The following NBEA variants were observed in gnomAD, a reference collection of about 807,000 sequenced individuals.
NBEA encodes neurobeachin.
NBEA carries 44 observed loss-of-function variants against 343.4 expected under a neutral mutation model. The observed-to-expected ratio is 0.13, with a 90% CI of 0.10 to 0.16. NBEA has a LOEUF of 0.16. Among genes scored for constraint, NBEA ranks in the 10% least tolerant of loss-of-function variants. NBEA has a pLI of 1.00. For synonymous variants in NBEA, 1,175 were observed against 1,238.7 expected (o/e 0.95, Z 1.08); for missense variants, 2,555 against 3,631.3 (o/e 0.70, Z 7.62).
At chr13:35,417,999 C>T (rs530944819) in intron 38 of NBEA, among the ~76,000 whole-genome samples, 9 of 152,182 alleles carry the variant, frequency 5.9e-5, no homozygotes, top group Admixed American at 2.0e-4. Context: ...ATGTAATGAC[C>T]TTCTTTGTCT....
At chr13:35,475,392 C>T in intron 41 of NBEA, 1 of 1,613,816 alleles carries the variant, frequency 6.2e-7, no homozygotes, top group Non-Finnish European at 8.5e-7. Flanking sequence ...TGGAGAGGCA[C>T]TTCTTTCTGC....
intron 1 of NBEA, among the ~76,000 whole-genome samples, chr13:35,018,175 G>A (rs974379075): frequency 7.2e-5 from 11 of 152,022 alleles, no homozygotes; most frequent in African/African-American, 4.8e-5. Context: ...ATAAAATCTG[G>A]TAGTTTAGGG....
intron 1 of NBEA, among the ~76,000 whole-genome samples, chr13:35,002,740 T>C (rs74051209): frequency 6.6e-6 from 1 of 152,314 alleles, no homozygotes; most frequent in African/African-American, 2.4e-5. Flanking sequence ...AGAAATAAGT[T>C]TGTTTATTCC....
chr13:35,647,986 C>G (rs2084320367), intron 51 of NBEA, among the ~76,000 whole-genome samples: 1 of 152,078 alleles, frequency 6.6e-6, no homozygotes, highest in Non-Finnish European at 1.5e-5. Context: ...CACGATCTTT[C>G]TTCCTCAGTC....
intron 36 of NBEA, among the ~76,000 whole-genome samples, chr13:35,320,245 T>C (rs762745471): frequency 1.8e-4 from 27 of 152,328 alleles, no homozygotes; most frequent in South Asian, 2.1e-4. Context: ...AGTTTTTCTT[T>C]TCCATATTTA....
At chr13:35,255,753 C>G (rs2032514301) in intron 34 of NBEA, among the ~76,000 whole-genome samples, 5 of 152,220 alleles carry the variant, frequency 3.3e-5, no homozygotes, top group Admixed American at 3.3e-4. Context: ...GTTCTCTCCT[C>G]ATCACCCACA....
intron 1 of NBEA, among the ~76,000 whole-genome samples, chr13:35,034,997 G>A (rs1252542378): frequency 6.6e-6 from 1 of 151,512 alleles, no homozygotes; most frequent in Non-Finnish European, 1.5e-5. Context: ...CTGTTGTATT[G>A]TTTTCTTCAT....
chr13:35,640,423 C>G (rs552973007), intron 49 of NBEA, among the ~76,000 whole-genome samples: 2 of 152,200 alleles, frequency 1.3e-5, no homozygotes, highest in Non-Finnish European at 2.9e-5. Context: ...TTCTCTGGCT[C>G]TCCAGGTAGA....
At chr13:35,156,984 C>A (rs1039915830) in intron 20 of NBEA, 94 bp from the exon 21 acceptor site, 1 of 1,066,760 alleles carries the variant, frequency 9.4e-7, no homozygotes, top group Non-Finnish European at 1.3e-6. Context: ...GAGGTCAGAT[C>A]ATATTTTCAC....
At chr13:35,637,059 A>G (rs2083721596) in intron 49 of NBEA, among the ~76,000 whole-genome samples, 1 of 152,228 alleles carries the variant, frequency 6.6e-6, no homozygotes, top group African/African-American at 2.4e-5. Context: ...AACATGTAGC[A>G]AAAGGTAACC....
At chr13:35,574,288 A>T (rs561172564) in intron 45 of NBEA, among the ~76,000 whole-genome samples, 78 of 97,896 alleles carry the variant, frequency 8.0e-4, no homozygotes, top group African/African-American at 2.4e-3. Context: ...TAGGTAGGAT[A>T]TTCTTTAAAA....
chr13:35,628,315 A>G, intron 49 of NBEA, 67 bp downstream of exon 49: 20 of 1,162,982 alleles, frequency 1.7e-5, no homozygotes, highest in Non-Finnish European at 2.2e-5. Flanking sequence ...TTGACATTTC[A>G]TCTCTTTCTG....
At chr13:35,127,285 A>G (rs2067184594) in intron 17 of NBEA, among the ~76,000 whole-genome samples, 1 of 152,220 alleles carries the variant, frequency 6.6e-6, no homozygotes, top group African/African-American at 2.4e-5. Flanking sequence ...GGATGCTGTC[A>G]AATATTTTTT....
At chr13:35,535,057 C>T (rs1263988523) in intron 41 of NBEA, among the ~76,000 whole-genome samples, 2 of 152,136 alleles carry the variant, frequency 1.3e-5, no homozygotes, top group African/African-American at 2.4e-5. Flanking sequence ...CCTGGAAATA[C>T]TGTTTTCGTT....
In NBEA at chr13:35,164,410, T is replaced by A. The variant is rs757973189; in HGVS notation, c.4134T>A (p.Phe1378Leu). The A allele has an allele frequency of 3.8e-6, 6 of 1,597,968 alleles. No individual in the cohort carries two copies. Among genetic ancestry groups the A allele is most frequent in the Non-Finnish European group, 5.1e-6 (6 of 1,170,744 alleles). Residue 1378 changes from phenylalanine to leucine, a missense_variant, in exon 24 of 59, where the codon TTT (phenylalanine) becomes TTA (leucine). Phe to Leu is a conservative substitution (Grantham distance 22). Coordinates refer to ENST00000379939, the MANE Select transcript of NBEA (RefSeq NM_001385012.1). ...TCAATAGCAATGAAAATATTATTTTTGTACATAACACAATTCACCTCATTT... is the reference window on the plus strand; with the variant it reads ...TCAATAGCAATGAAAATATTATTTTAGTACATAACACAATTCACCTCATTT... ...DFVNSNENII[F>L]VHNTIHLISQ...
In NBEA at chr13:35,184,022, C is replaced by T. The variant is rs998674929; in HGVS notation, c.4878C>T (p.Phe1626=). 3.7e-6 allele frequency: 6 copies of T among 1,611,736 alleles called. No homozygotes were observed. In the African/African-American group the frequency reaches 6.7e-5, roughly 18 times the overall value. Residue 1626 remains phenylalanine, a synonymous_variant, in exon 30 of 59, where the codon TTC becomes TTT. Transcript: ENST00000379939. The part of the protein sequence containing the change: ...SIPHPSLNHG[F]LAKLIPEQSF... ...CTCATCCAAGTTTGAACCATGGATT[C>T]CTTGCCAAGTTAATTCCTGAGCAGA...
chr13:35,089,701 A>G (rs1231868801), intron 10 of NBEA, among the ~76,000 whole-genome samples: 6 of 138,750 alleles, frequency 4.3e-5, no homozygotes, highest in African/African-American at 1.4e-4. Context: ...AAAATGTGGC[A>G]CATATACACC....
intron 1 of NBEA, among the ~76,000 whole-genome samples, chr13:35,034,257 C>T (rs1232324544): frequency 6.6e-6 from 1 of 151,870 alleles, no homozygotes; most frequent in Non-Finnish European, 1.5e-5. Flanking sequence ...TCTTTAACAT[C>T]AGTTGAAATG....
chr13:35,074,357 A>G (rs2064016005), intron 10 of NBEA, among the ~76,000 whole-genome samples: 2 of 152,172 alleles, frequency 1.3e-5, no homozygotes, highest in Admixed American at 1.3e-4. Flanking sequence ...TTTTAAGAAC[A>G]TGGGTAATTA....
Sources: gnomAD v4.1 joint callset for allele counts (sites outside exome capture counted in the v4.1 genomes callset) on GRCh38, gnomAD v4.1.1 for gene constraint, MANE v1.5 for transcripts, NCBI Gene and HGNC (gene_info 2026-07-23, HGNC 2026-07-21) for gene names.